NSG1: variants seen among roughly 807,000 people sequenced by gnomAD.
NSG1 encodes neuronal vesicle trafficking-associated protein 1.
In NSG1, 9 loss-of-function variants were observed where a neutral mutation model predicts 19.3. That is an observed-to-expected ratio of 0.47 (90% CI 0.28 to 0.81). NSG1 has a LOEUF of 0.81. Ranked by LOEUF, NSG1 falls within the 40% of genes least tolerant of loss-of-function variation. The pLI is 0.11. For missense variants in NSG1, 236 were observed against 242.4 expected, an observed-to-expected ratio of 0.97 and a Z score of 0.18; for synonymous variants, 104 against 107.0, an observed-to-expected ratio of 0.97 and a Z score of 0.17.
At chr4:4,406,553 G>A (rs527865064) in intron 3 of NSG1, among the ~76,000 whole-genome samples, 15 of 152,300 alleles carry the variant, frequency 9.8e-5, no homozygotes, top group East Asian at 7.7e-4. Flanking sequence ...AACATGCGAC[G>A]GGGCAGCTGG....
chr4:4,413,748 C>T (rs1305612522), intron 4 of NSG1, among the ~76,000 whole-genome samples: 3 of 151,690 alleles, frequency 2.0e-5, no homozygotes, highest in Non-Finnish European at 4.4e-5. Flanking sequence ...CCTCTTGGGT[C>T]ACCTGGGGAG....
chr4:4,403,685 C>G (rs1490135463), intron 3 of NSG1, among the ~76,000 whole-genome samples: 1 of 152,182 alleles, frequency 6.6e-6, no homozygotes, highest in Non-Finnish European at 1.5e-5. Flanking sequence ...ATTCAGCCAA[C>G]GACAGCCAGT....
At chr4:4,413,086 C>T (rs2080616562) in intron 4 of NSG1, among the ~76,000 whole-genome samples, 1 of 152,142 alleles carries the variant, frequency 6.6e-6, no homozygotes, top group African/African-American at 2.4e-5. Context: ...GCACCCACCC[C>T]GTGCCAGCAG....
intron 3 of NSG1, among the ~76,000 whole-genome samples, chr4:4,400,389 A>G (rs944963338): frequency 6.6e-6 from 1 of 152,110 alleles, no homozygotes; most frequent in Non-Finnish European, 1.5e-5. Flanking sequence ...AAAATTGAGA[A>G]CTCCTCCAAT....
chr4:4,389,532 A>T (rs1477908016), intron 2 of NSG1, among the ~76,000 whole-genome samples: 1 of 152,088 alleles, frequency 6.6e-6, no homozygotes, highest in African/African-American at 2.4e-5. Context: ...ACTGGGCTGA[A>T]GGTTACAGTC....
chr4:4,387,410 G>A (rs115771574), intron 1 of NSG1, among the ~76,000 whole-genome samples, 194 bp from the exon 2 acceptor site: 3,045 of 152,232 alleles, frequency 0.02, 92 homozygotes, highest in African/African-American at 0.063. Flanking sequence ...GCGAGATGAG[G>A]GTCTAGAAAT....
intron 3 of NSG1, among the ~76,000 whole-genome samples, chr4:4,397,287 G>T (rs1365608542): frequency 6.6e-6 from 1 of 152,114 alleles, no homozygotes; most frequent in African/African-American, 2.4e-5. Flanking sequence ...CCCAGTGCAT[G>T]CCTGGGCTTG....
At chr4:4,388,070 T>G (rs1317035267) in intron 2 of NSG1, among the ~76,000 whole-genome samples, 2 of 152,294 alleles carry the variant, frequency 1.3e-5, no homozygotes, top group South Asian at 4.1e-4. Flanking sequence ...GCCCTGCTCC[T>G]CCCTTGCCCC....
chr4:4,389,866 C>A (rs947444791), intron 2 of NSG1, among the ~76,000 whole-genome samples: 1 of 152,218 alleles, frequency 6.6e-6, no homozygotes, highest in Non-Finnish European at 1.5e-5. Flanking sequence ...GCACCAGGAA[C>A]TATTCTGCCA....
At chr4:4,388,898 C>T (rs1353419490) in intron 2 of NSG1, among the ~76,000 whole-genome samples, 1 of 152,220 alleles carries the variant, frequency 6.6e-6, no homozygotes, top group African/African-American at 2.4e-5. Context: ...CACACCTGTG[C>T]CCCCCAGGCC....
chr4:4,416,328 C>A (rs1724539322), intron 4 of NSG1, among the ~76,000 whole-genome samples: 1 of 152,192 alleles, frequency 6.6e-6, no homozygotes, highest in Non-Finnish European at 1.5e-5. Flanking sequence ...TGTCATTTCT[C>A]TTTTGAAAAT....
intron 4 of NSG1, among the ~76,000 whole-genome samples, chr4:4,415,403 C>A (rs1450859520): frequency 6.6e-6 from 1 of 152,132 alleles, no homozygotes; most frequent in Non-Finnish European, 1.5e-5. Flanking sequence ...GAGTCACGCT[C>A]CCCTCAAGGC....
chr4:4,406,329 G>A (rs1017435279), intron 3 of NSG1, among the ~76,000 whole-genome samples: 14 of 152,316 alleles, frequency 9.2e-5, no homozygotes, highest in African/African-American at 3.1e-4. Context: ...GTCTGCCCCT[G>A]AAACCCTCTT....
At chr4:4,401,158 C>A (rs1021420160) in intron 3 of NSG1, among the ~76,000 whole-genome samples, 3 of 152,206 alleles carry the variant, frequency 2.0e-5, no homozygotes, top group Non-Finnish European at 4.4e-5. Flanking sequence ...TGCTTTAGAG[C>A]TTTTACTGCC....
intron 4 of NSG1, among the ~76,000 whole-genome samples, chr4:4,412,949 T>C (rs1442211772): frequency 1.3e-5 from 2 of 152,176 alleles, no homozygotes; most frequent in Admixed American, 1.3e-4. Flanking sequence ...AGAGAGTCCT[T>C]ACGCGATTAG....
chr4:4,386,761 G>A, upstream of NSG1: 1 of 153,226 alleles, frequency 6.5e-6, no homozygotes, highest in East Asian at 1.9e-4. Context: ...TCGCGCCCAG[G>A]CCGCCGCCCG....
chr4:4,403,908 C>T (rs945136633), intron 3 of NSG1, among the ~76,000 whole-genome samples: 12 of 152,056 alleles, frequency 7.9e-5, no homozygotes, highest in African/African-American at 2.7e-4. Context: ...CTCGAGAGCC[C>T]CCAGGAATTC....
At chr4:4,387,565 T>C in intron 1 of NSG1, 39 bp from the exon 2 acceptor site, 3 of 259,576 alleles carry the variant, frequency 1.2e-5, no homozygotes, top group Non-Finnish European at 2.2e-5. Flanking sequence ...CCGCCCCGGG[T>C]CTTGCTTGTG....
At chr4:4,416,693 C>A (rs1286085507) in intron 4 of NSG1, among the ~76,000 whole-genome samples, 1 of 152,080 alleles carries the variant, frequency 6.6e-6, no homozygotes, top group African/African-American at 2.4e-5. Flanking sequence ...ACCCCCTCGC[C>A]ATCTTCCCAG....
Sources: allele counts gnomAD v4.1 joint callset (sites outside exome capture counted in the v4.1 genomes callset), GRCh38; gene constraint gnomAD v4.1.1; transcripts MANE v1.5; gene names NCBI Gene and HGNC (gene_info 2026-07-23, HGNC 2026-07-21).